POLR3C: variants seen among roughly 807,000 people sequenced by gnomAD.
POLR3C encodes the protein DNA-directed RNA polymerase III subunit RPC3.
A neutral mutation model predicts 65.9 loss-of-function variants in POLR3C; 44 were observed. The observed-to-expected ratio is 0.67, with a 90% CI of 0.52 to 0.86. POLR3C has a LOEUF of 0.86. Ranked by LOEUF, POLR3C falls within the 40% of genes least tolerant of loss-of-function variation. The pLI, the probability that POLR3C is intolerant of heterozygous loss-of-function variation, is 0.00. For synonymous variants in POLR3C, 263 were observed against 231.6 expected (o/e 1.14, Z -1.23); for missense variants, 576 against 653.2 (o/e 0.88, Z 1.29).
rs111305179 is a variant in POLR3C, at chr1:145,836,630, A to G, written c.957+56A>G. Reference sequence around the variant, plus strand: ...CTTTAGCCTGTACTGTTGATAATTTATTTCTGCACTGATACCTAGTGTCAT... The same window carrying G: ...CTTTAGCCTGTACTGTTGATAATTTGTTTCTGCACTGATACCTAGTGTCAT... On this transcript the variant is annotated intron_variant, in intron 8 of 14. Coordinates refer to ENST00000334163, the MANE Select transcript of POLR3C (RefSeq NM_006468.8). 2.6e-4 allele frequency: 282 copies of G among 1,102,076 alleles called. 4 individuals carry two copies. The African/African-American group carries it at 3.4e-3, about 13-fold the overall frequency. 68.3% of individuals were successfully genotyped at this position (1,102,076 alleles called of 1,614,324 possible). A position where few individuals can be genotyped will look rare whatever the true frequency, so the allele number is the denominator to read the frequency against.
In POLR3C at chr1:145,842,982, T is replaced by TATTTA. The variant is rs139598071; in HGVS notation, c.*562_*563insATTTA. On this transcript the variant is annotated 3_prime_UTR_variant, in exon 15 of 15. Coordinates refer to ENST00000334163, the MANE Select transcript of POLR3C (RefSeq NM_006468.8). ...CATGCACCACACATACCCAGCTATT[T>TATTTA]TTTATTTATTTATTTATTTTTTTGT... 3.9e-5 allele frequency among the ~76,000 whole-genome samples: 6 copies of TATTTA among 152,048 alleles called. No individual in the cohort carries two copies. Among genetic ancestry groups the TATTTA allele is most frequent in the Non-Finnish European group, 8.8e-5 (6 of 67,976 alleles).
At chr1:145,832,469 A>C (rs587680671) in intron 5 of POLR3C, among the ~76,000 whole-genome samples, 1 of 152,320 alleles carries the variant, frequency 6.6e-6, no homozygotes, top group South Asian at 2.1e-4. Context: ...ATCCCCAAGA[A>C]TGAATGAGAG....
intron 7 of POLR3C, among the ~76,000 whole-genome samples, chr1:145,834,334 G>A (rs1651603167): frequency 6.6e-6 from 1 of 152,072 alleles, no homozygotes; most frequent in African/African-American, 2.4e-5. Context: ...TAATGTGAAT[G>A]TGATGGTCTA....
intron 4 of POLR3C, 58 bp downstream of exon 4, chr1:145,827,063 T>C (rs1650820798): frequency 7.9e-7 from 1 of 1,260,100 alleles, no homozygotes; most frequent in Non-Finnish European, 1.1e-6. Context: ...TCTTCTTGAT[T>C]GTCAAGTGTA....
At chr1:145,829,846 T>A (rs1553726716) in intron 5 of POLR3C, among the ~76,000 whole-genome samples, 3 of 152,230 alleles carry the variant, frequency 2.0e-5, no homozygotes. Context: ...AATGCTGTTT[T>A]CATAGACTTC....
At chr1:145,840,246 C>A (rs1173296582) in intron 13 of POLR3C, 81 bp downstream of exon 13, 2 of 899,108 alleles carry the variant, frequency 2.2e-6, no homozygotes, top group South Asian at 1.4e-5. Flanking sequence ...AAATAGGAAT[C>A]AATAGACGCT....
Position 145,833,323 on chromosome 1 carries a change from G to C in POLR3C, c.742G>C (p.Asp248His). The C allele has an allele frequency of 6.2e-7, 1 of 1,613,812 alleles. No homozygotes were observed. The highest frequency in any genetic ancestry group is 8.5e-7 in the Non-Finnish European group (1 of 1,179,762). The part of the protein sequence containing the change: ...NLDRFHQHFR[D>H]QAIVSAVANR... ...TGACAGATTCCACCAACACTTCCGTGACCAAGCCATTGTGAGCGCAGTTGC... is the reference window on the plus strand; with the variant it reads ...TGACAGATTCCACCAACACTTCCGTCACCAAGCCATTGTGAGCGCAGTTGC... Residue 248 changes from aspartate to histidine, a missense_variant, in exon 6 of 15, where the codon GAC becomes CAC. By Grantham distance (81) the Asp-to-His change is moderately conservative. Coordinates refer to ENST00000334163, the MANE Select transcript of POLR3C (RefSeq NM_006468.8).
In POLR3C at chr1:145,825,663, T is replaced by C. The variant is rs190446217; in HGVS notation, c.-20-94T>C. 1,830 of 648,868 alleles carry C rather than the reference T, an allele frequency of 2.8e-3. 6 individuals carry two copies. Among genetic ancestry groups the C allele is most frequent in the Non-Finnish European group, 3.9e-3 (1,547 of 396,624 alleles). The allele number at this position is 648,868 out of a possible 1,614,324, so 40.2% of individuals were successfully genotyped here. On this transcript the variant is annotated intron_variant, in intron 1 of 14. Coordinates refer to ENST00000334163, the MANE Select transcript of POLR3C (RefSeq NM_006468.8). ...GGCTTTTTGATATGTATTGTCAAAT[T>C]GCCCTCCAGAAAGAATACATGAATT...
At chr1:145,837,181 G>C (rs1651920017) in intron 9 of POLR3C, among the ~76,000 whole-genome samples, 1 of 152,072 alleles carries the variant, frequency 6.6e-6, no homozygotes, top group South Asian at 2.1e-4. Flanking sequence ...AACGATGCAT[G>C]CTTGTAGTCC....
At chr1:145,836,910 A>C in intron 9 of POLR3C, 44 bp downstream of exon 9, 1 of 948,198 alleles carries the variant, frequency 1.1e-6, no homozygotes, top group Non-Finnish European at 1.7e-6. Flanking sequence ...AGCCTGACCT[A>C]TAAATCAGAA....
chr1:145,826,201 T>C (rs981871646), intron 2 of POLR3C, among the ~76,000 whole-genome samples: 1 of 152,210 alleles, frequency 6.6e-6, no homozygotes, highest in Non-Finnish European at 1.5e-5. Flanking sequence ...GTACTGCCTT[T>C]AAGGAATGAG....
At position 145,825,856 on chromosome 1, in the gene POLR3C, A is replaced by G; in HGVS notation, c.80A>G (p.His27Arg). 2 of 1,613,584 alleles carry G rather than the reference A, an allele frequency of 1.2e-6. No homozygotes were observed. Among genetic ancestry groups the G allele is most frequent in the Non-Finnish European group, 1.7e-6 (2 of 1,179,446 alleles). Residue 27 changes from histidine (H) to arginine (R), a missense_variant, in exon 2 of 15, where the codon CAT (histidine) becomes CGT (arginine). Transcript: ENST00000334163. The part of the protein sequence containing the change: ...FGEIVEKIGV[H>R]LIRTGSQPLR... ...GAGATTGTAGAAAAAATTGGAGTCC[A>G]TCTGATAAGAACCGGCAGCCAGCCA...
Position 145,838,107 on chromosome 1 carries a change from C to T in POLR3C, c.1122C>T (p.His374=), listed in dbSNP as rs1651998250. 6.2e-7 allele frequency: 1 copy of T among 1,613,770 alleles called. No homozygotes were observed. Among genetic ancestry groups the T allele is most frequent in the Admixed American group, 1.7e-5 (1 of 60,036 alleles). Residue 374 remains histidine, a synonymous_variant, in exon 11 of 15, where the codon CAC becomes CAT. Coordinates refer to ENST00000334163, the MANE Select transcript of POLR3C (RefSeq NM_006468.8). The part of the protein sequence containing the change: ...RIFRLVLQKK[H]IEQKQVEDFA... ...TCCGTCTAGTTTTGCAGAAGAAACACATAGAGCAGAAGCAAGTGGAAGACT... is the reference window on the plus strand; with the variant it reads ...TCCGTCTAGTTTTGCAGAAGAAACATATAGAGCAGAAGCAAGTGGAAGACT...
At chr1:145,838,019 T>C (rs982383770) in intron 10 of POLR3C, 37 bp from the exon 11 acceptor site, 36 of 1,605,170 alleles carry the variant, frequency 2.2e-5, no homozygotes, top group Non-Finnish European at 2.9e-5. Context: ...AGCTGATCTA[T>C]GTTAGCATGC....
chr1:145,839,316 A>C (rs1462746043), intron 11 of POLR3C, among the ~76,000 whole-genome samples: 6 of 152,152 alleles, frequency 3.9e-5, no homozygotes, highest in Non-Finnish European at 7.4e-5. Context: ...AATAGAATTT[A>C]CCTGGCACAT....
In POLR3C at chr1:145,826,987, C is replaced by G; in HGVS notation, c.571C>G (p.Pro191Ala). Residue 191 changes from proline to alanine, a missense_variant, in exon 4 of 15, where the codon CCT becomes GCT. Physicochemically the swap from Pro to Ala is conservative, Grantham distance 27. Coordinates refer to ENST00000334163, the MANE Select transcript of POLR3C (RefSeq NM_006468.8). ...TAATGAAAAGGACATGTACCTGGTT[C>G]CTAAACTCAGCTTGATAGGTAAGGA... Reference protein sequence around the residue: ...VINEKDMYLVPKLSLIGKGKR... With the variant: ...VINEKDMYLVAKLSLIGKGKR... 1.2e-6 allele frequency: 2 copies of G among 1,609,930 alleles called. No homozygotes were observed. Among genetic ancestry groups the G allele is most frequent in the South Asian group, 2.2e-5 (2 of 90,168 alleles).
chr1:145,824,909 G>A (rs1441183691), intron 1 of POLR3C, among the ~76,000 whole-genome samples: 1 of 152,078 alleles, frequency 6.6e-6, no homozygotes, highest in Non-Finnish European at 1.5e-5. Flanking sequence ...GCAGTGAAGT[G>A]TAGAAACTAA....
chr1:145,824,829 T>C (rs587653680), intron 1 of POLR3C, among the ~76,000 whole-genome samples: 1 of 152,254 alleles, frequency 6.6e-6, no homozygotes, highest in Non-Finnish European at 1.5e-5. Context: ...TATCATTTCC[T>C]TTATGGACTG....
chr1:145,829,858 A>G (rs1553726720), intron 5 of POLR3C, among the ~76,000 whole-genome samples: 1 of 152,230 alleles, frequency 6.6e-6, no homozygotes, highest in Non-Finnish European at 1.5e-5. Context: ...ATAGACTTCA[A>G]GCACCATTGC....
Sources: gnomAD v4.1 joint callset for allele counts (sites outside exome capture counted in the v4.1 genomes callset) on GRCh38, gnomAD v4.1.1 for gene constraint, MANE v1.5 for transcripts, NCBI Gene and HGNC (gene_info 2026-07-23, HGNC 2026-07-21) for gene names.